The following STAG1 variants were observed in gnomAD, a reference collection of about 807,000 sequenced individuals.
STAG1 encodes the protein cohesin subunit SA-1.
Under a neutral mutation model 170.9 loss-of-function variants are expected in STAG1, and 26 were observed. The observed-to-expected ratio is 0.15, with a 90% CI of 0.11 to 0.21. The LOEUF (loss-of-function observed/expected upper bound fraction) is 0.21. Ranked by LOEUF, STAG1 falls within the 10% of genes least tolerant of loss-of-function variation. STAG1 has a pLI of 1.00. For synonymous variants in STAG1, 514 were observed against 497.7 expected (o/e 1.03, Z -0.44); for missense variants, 964 against 1,509.5 (o/e 0.64, Z 5.99).
chr3:136,516,793 T>C (rs1934401630), intron 7 of STAG1, among the ~76,000 whole-genome samples: 1 of 152,216 alleles, frequency 6.6e-6, no homozygotes, highest in South Asian at 2.1e-4. Flanking sequence ...TCCTAATCTC[T>C]TTTCTTTCCC....
chr3:136,729,772 T>A (rs548076060), intron 1 of STAG1, among the ~76,000 whole-genome samples: 8 of 151,466 alleles, frequency 5.3e-5, no homozygotes, highest in Admixed American at 2.6e-4. Context: ...AGAGACAGGA[T>A]TTTGCTATGT....
intron 1 of STAG1, among the ~76,000 whole-genome samples, chr3:136,664,575 T>C (rs567609860): frequency 6.6e-6 from 1 of 152,330 alleles, no homozygotes; most frequent in South Asian, 2.1e-4. Flanking sequence ...TTTTAGATGG[T>C]TATTCCCTAA....
chr3:136,681,740 T>C (rs1391053411), intron 1 of STAG1, among the ~76,000 whole-genome samples: 1 of 151,872 alleles, frequency 6.6e-6, no homozygotes, highest in African/African-American at 2.4e-5. Flanking sequence ...ATCCAACGTA[T>C]GAAAATCAAT....
chr3:136,408,904 C>T (rs1005611517), intron 21 of STAG1, among the ~76,000 whole-genome samples: 8 of 152,088 alleles, frequency 5.3e-5, no homozygotes, highest in Non-Finnish European at 8.8e-5. Flanking sequence ...AATTTCTAAG[C>T]TCAGTCATGG....
At chr3:136,461,351 T>C (rs2089268219) in intron 13 of STAG1, among the ~76,000 whole-genome samples, 1 of 152,088 alleles carries the variant, frequency 6.6e-6, no homozygotes, top group Non-Finnish European at 1.5e-5. Flanking sequence ...GAGAATGAAA[T>C]AAAAGACATC....
At chr3:136,463,973 T>C (rs1050675797) in intron 13 of STAG1, among the ~76,000 whole-genome samples, 2 of 150,082 alleles carry the variant, frequency 1.3e-5, no homozygotes, top group Admixed American at 1.3e-4. Flanking sequence ...ATAGAACATA[T>C]ACAGTAAATC....
chr3:136,678,882 G>GAAAAAAAAA (rs543331662), intron 1 of STAG1, among the ~76,000 whole-genome samples: 7 of 100,904 alleles, frequency 6.9e-5, no homozygotes, highest in East Asian at 3.0e-4. Flanking sequence ...AGAAGAAAAA[G>GAAAAAAAAA]AAAAAAAAAA....
chr3:136,357,612 C>A, intron 28 of STAG1, 108 bp downstream of exon 28: 1 of 841,128 alleles, frequency 1.2e-6, no homozygotes, highest in Non-Finnish European at 1.8e-6. Context: ...CTATCAGAGC[C>A]TAAATTATCA....
chr3:136,641,862 T>C (rs1056942148), intron 1 of STAG1, among the ~76,000 whole-genome samples: 21 of 152,128 alleles, frequency 1.4e-4, no homozygotes, highest in African/African-American at 4.8e-4. Context: ...GGGTACAGGG[T>C]TGAAAACCTC....
intron 1 of STAG1, among the ~76,000 whole-genome samples, chr3:136,657,189 CTTTTTTTTT>C (rs67826395): frequency 4.3e-5 from 4 of 92,290 alleles, no homozygotes; most frequent in Non-Finnish European, 8.4e-5. Context: ...TTCTTTCTTT[CTTTTTTTTT>C]TTTTTTTTTT....
At chr3:136,418,179 C>T (rs1418665613) in intron 20 of STAG1, among the ~76,000 whole-genome samples, 2 of 151,520 alleles carry the variant, frequency 1.3e-5, no homozygotes, top group South Asian at 2.1e-4. Flanking sequence ...CATGGTGAAA[C>T]CCTGTCTCTA....
chr3:136,674,786 T>C (rs532971510), intron 1 of STAG1, among the ~76,000 whole-genome samples: 15 of 152,302 alleles, frequency 9.8e-5, no homozygotes, highest in Middle Eastern at 3.4e-3. Flanking sequence ...TCTAACTCAA[T>C]AAAGCTGTTT....
intron 1 of STAG1, among the ~76,000 whole-genome samples, chr3:136,650,025 C>T (rs1941160652): frequency 6.6e-6 from 1 of 151,708 alleles, no homozygotes; most frequent in Non-Finnish European, 1.5e-5. Flanking sequence ...CCTAGGCCTC[C>T]CAAAGTGCTG....
chr3:136,479,064 T>C (rs2089845585), intron 9 of STAG1, among the ~76,000 whole-genome samples: 1 of 149,056 alleles, frequency 6.7e-6, no homozygotes, highest in East Asian at 2.1e-4. Flanking sequence ...ATCTTTCTTT[T>C]TTTTTTTTTT....
chr3:136,751,657 C>T (rs1487967202), intron 1 of STAG1, among the ~76,000 whole-genome samples: 2 of 152,168 alleles, frequency 1.3e-5, no homozygotes, highest in African/African-American at 4.8e-5. Flanking sequence ...AGCGACCCCC[C>T]AGGCCCCTCC....
At chr3:136,512,009 C>A (rs1466694685) in intron 7 of STAG1, among the ~76,000 whole-genome samples, 3 of 141,080 alleles carry the variant, frequency 2.1e-5, no homozygotes, top group Non-Finnish European at 4.5e-5. Flanking sequence ...AATCCTAGCA[C>A]TTTGGGAGGC....
Position 136,349,700 on chromosome 3 carries a change from G to T in STAG1, c.3066-337C>A, listed in dbSNP as rs1190188040. On this transcript the variant is annotated intron_variant, in intron 28 of 33. Coordinates refer to ENST00000383202, the MANE Select transcript of STAG1 (RefSeq NM_005862.3). ...AGATTATTGAGTTTTCTTATAAAGT[G>T]TTCAAGCCAAAGCAGGATTTCTAAG... is the stretch of plus-strand genomic sequence containing the variant. 3.3e-5 allele frequency among the ~76,000 whole-genome samples: 5 copies of T among 152,166 alleles called. 1 individual carries two copies. Among genetic ancestry groups the T allele is most frequent in the African/African-American group, 1.2e-4 (5 of 41,428 alleles).
chr3:136,723,574 C>T (rs1444387503), intron 1 of STAG1, among the ~76,000 whole-genome samples: 2 of 151,728 alleles, frequency 1.3e-5, no homozygotes, highest in Non-Finnish European at 2.9e-5. Flanking sequence ...GGTCAGCCCC[C>T]GCCAGGCCAG....
intron 26 of STAG1, among the ~76,000 whole-genome samples, chr3:136,362,391 T>G (rs112632322): frequency 4.6e-5 from 7 of 152,292 alleles, no homozygotes; most frequent in African/African-American, 1.4e-4. Flanking sequence ...TATGTAGGAC[T>G]GAAAATATTT....
Sources: allele counts gnomAD v4.1 joint callset (sites outside exome capture counted in the v4.1 genomes callset), GRCh38; gene constraint gnomAD v4.1.1; transcripts MANE v1.5; gene names NCBI Gene and HGNC (gene_info 2026-07-23, HGNC 2026-07-21).